The following AGO2 variants were observed in gnomAD, a reference collection of about 807,000 sequenced individuals.
The protein encoded by AGO2 is argonaute RISC catalytic component 2, also known as protein argonaute-2.
A neutral mutation model predicts 102.3 loss-of-function variants in AGO2; 5 were observed. The observed-to-expected ratio is 0.05, with a 90% CI of 0.03 to 0.10. The LOEUF (loss-of-function observed/expected upper bound fraction) is 0.10. Among genes scored for constraint, AGO2 ranks in the 10% least tolerant of loss-of-function variants. AGO2 has a pLI of 1.00. For synonymous variants in AGO2, 449 were observed against 473.1 expected (o/e 0.95, Z 0.66); for missense variants, 541 against 1,183.7 (o/e 0.46, Z 7.97).
chr8:140,585,443 C>A, intron 1 of AGO2, 132 bp from the exon 2 acceptor site: 1 of 976,536 alleles, frequency 1.0e-6, no homozygotes, highest in Non-Finnish European at 1.5e-6. Context: ...TATTGCATTC[C>A]ACAGAGGAGG....
intron 1 of AGO2, among the ~76,000 whole-genome samples, chr8:140,603,167 G>A (rs909296572): frequency 3.9e-5 from 6 of 152,184 alleles, no homozygotes; most frequent in Non-Finnish European, 7.3e-5. Flanking sequence ...GCGGCGTGGC[G>A]GAGATTAAAG....
chr8:140,616,166 G>A (rs1005903546), intron 1 of AGO2, among the ~76,000 whole-genome samples: 2 of 152,156 alleles, frequency 1.3e-5, no homozygotes, highest in East Asian at 3.9e-4. Flanking sequence ...ACTCCTCAGG[G>A]AACCCTAACC....
intron 3 of AGO2, 181 bp downstream of exon 3, chr8:140,572,631 A>G (rs1034306136): frequency 4.0e-5 from 33 of 832,738 alleles, no homozygotes; most frequent in Non-Finnish European, 5.5e-5. Context: ...CCATCACTGA[A>G]AGCCACAACA....
rs1026399080 is a variant in AGO2, at chr8:140,529,429, A to T, written c.*2615T>A. Reference sequence around the variant, plus strand: ...ACTACAGCCATTTAAACTCTGAATCATCAGACATGTACAAAGGTGTGCAGC... The same window carrying T: ...ACTACAGCCATTTAAACTCTGAATCTTCAGACATGTACAAAGGTGTGCAGC... On this transcript the variant is annotated 3_prime_UTR_variant, in exon 19 of 19. Coordinates refer to ENST00000220592, the MANE Select transcript of AGO2 (RefSeq NM_012154.5). 1 of 152,246 alleles carries T rather than the reference A, an allele frequency of 6.6e-6. No individual in the cohort carries two copies. Among genetic ancestry groups the T allele is most frequent in the Non-Finnish European group, 1.5e-5 (1 of 68,042 alleles). 9.4% of individuals were successfully genotyped at this position (152,246 alleles called of 1,614,324 possible).
chr8:140,606,936 A>AAAT (rs982785436), intron 1 of AGO2, among the ~76,000 whole-genome samples: 3 of 150,454 alleles, frequency 2.0e-5, no homozygotes, highest in Non-Finnish European at 3.0e-5. Flanking sequence ...GACTGCCTCA[A>AAAT]AATAATAATA....
intron 3 of AGO2, among the ~76,000 whole-genome samples, chr8:140,564,671 A>G (rs1254803992): frequency 6.6e-6 from 1 of 152,204 alleles, no homozygotes; most frequent in African/African-American, 2.4e-5. Flanking sequence ...GGCCAGGCAC[A>G]GTGGCTCATG....
chr8:140,552,426 C>A (rs1384097623), intron 10 of AGO2, among the ~76,000 whole-genome samples: 1 of 152,192 alleles, frequency 6.6e-6, no homozygotes, highest in Non-Finnish European at 1.5e-5. Context: ...GAGGGACAGG[C>A]ACTCCTAGGC....
chr8:140,627,251 G>A (rs967952997), intron 1 of AGO2, among the ~76,000 whole-genome samples: 3 of 152,198 alleles, frequency 2.0e-5, no homozygotes, highest in African/African-American at 7.2e-5. Flanking sequence ...TCCTCCAACC[G>A]TCGGAACAAG....
chr8:140,604,224 T>C lies in AGO2; in HGVS notation c.23-18913A>G, dbSNP rs189024932. 1.5e-3 allele frequency among the ~76,000 whole-genome samples: 235 copies of C among 152,240 alleles called. 4 individuals carry two copies. The highest frequency in any genetic ancestry group is 8.4e-3 in the Admixed American group (128 of 15,300). On this transcript the variant is annotated intron_variant, in intron 1 of 18. Transcript: ENST00000220592. ...TCATCAGAATGAGTGCAGCGTGCTG[T>C]GTACTGTCGGAAAGTTAGAAGCACC...
At position 140,528,554 on chromosome 8, in the gene AGO2, G is replaced by A. The variant is rs900027446; in HGVS notation, c.*3490C>T. On this transcript the variant is annotated 3_prime_UTR_variant, in exon 19 of 19. Transcript: ENST00000220592. The surrounding 1 kb of genome is among the most constrained non-coding windows in gnomAD (Gnocchi z 4.5). ...TTCCCTCTTGGGCAAGCTGTACAAT[G>A]GTCACGCATCGTTTGTGGTTCTAGA... 1 of 152,250 alleles carries A rather than the reference G, an allele frequency of 6.6e-6. No homozygotes were observed. Among genetic ancestry groups the A allele is most frequent in the Middle Eastern group, 3.4e-3 (1 of 294 alleles). The allele number at this position is 152,250 out of a possible 1,614,324, so 9.4% of individuals were successfully genotyped here. A position where few individuals can be genotyped will look rare whatever the true frequency, so the allele number is the denominator to read the frequency against.
rs933356644 is a variant in AGO2, at chr8:140,528,470, A to G, written c.*3574T>C. ...TCCGTCACGGGGGTAAACATTAGTGATAGCAGTTTAGGTCAGCCTCAAACA... is the reference window on the plus strand; with the variant it reads ...TCCGTCACGGGGGTAAACATTAGTGGTAGCAGTTTAGGTCAGCCTCAAACA... On this transcript the variant is annotated 3_prime_UTR_variant, in exon 19 of 19. Coordinates refer to ENST00000220592, the MANE Select transcript of AGO2 (RefSeq NM_012154.5). The surrounding 1 kb of genome is among the most constrained non-coding windows in gnomAD (Gnocchi z 4.5). 2 of 152,230 alleles carry G rather than the reference A, an allele frequency of 1.3e-5. No homozygotes were observed. Among genetic ancestry groups the G allele is most frequent in the Non-Finnish European group, 2.9e-5 (2 of 68,050 alleles). The allele number at this position is 152,230 out of a possible 1,614,324, so 9.4% of individuals were successfully genotyped here. A position where few individuals can be genotyped will look rare whatever the true frequency, so the allele number is the denominator to read the frequency against.
At chr8:140,578,779 G>A (rs372880859) in intron 2 of AGO2, among the ~76,000 whole-genome samples, 1 of 152,248 alleles carries the variant, frequency 6.6e-6, no homozygotes, top group Admixed American at 6.5e-5. Flanking sequence ...CTCTTCAGTC[G>A]CCACCCAGGG....
chr8:140,560,713 G>A (rs896289727), intron 4 of AGO2, among the ~76,000 whole-genome samples: 1 of 152,232 alleles, frequency 6.6e-6, no homozygotes, highest in African/African-American at 2.4e-5. Flanking sequence ...GCAGGCTGGG[G>A]GACCCGTGGC....
chr8:140,581,386 T>C (rs545571482), intron 2 of AGO2, among the ~76,000 whole-genome samples: 3 of 152,284 alleles, frequency 2.0e-5, no homozygotes, highest in Non-Finnish European at 2.9e-5. Context: ...TGGTGGCGCA[T>C]GCCTGCAATC....
chr8:140,573,042 T>C, intron 2 of AGO2, 110 bp from the exon 3 acceptor site: 1 of 1,343,372 alleles, frequency 7.4e-7, no homozygotes, highest in Non-Finnish European at 1.0e-6. Context: ...GGAGTCTTGC[T>C]CTTGTGGCCC....
At position 140,567,505 on chromosome 8, in the gene AGO2, G is replaced by A. The variant is rs1034522823; in HGVS notation, c.337-4871C>T. ...GTTCTAACCTCGGGCAGGTGGCTCC[G>A]TTGGCTTCCTGCACACAAGGGGACA... is the stretch of plus-strand genomic sequence containing the variant. On this transcript the variant is annotated intron_variant, in intron 3 of 18. Transcript: ENST00000220592. This position sits in a 1 kb window ranked among gnomAD's most constrained non-coding sequence, Gnocchi z 5.0. Among the ~76,000 whole-genome samples, 12 of 152,232 alleles carry A rather than the reference G, an allele frequency of 7.9e-5. No individual in the cohort carries two copies. Among genetic ancestry groups the A allele is most frequent in the Non-Finnish European group, 1.5e-4 (10 of 68,032 alleles).
intron 3 of AGO2, among the ~76,000 whole-genome samples, chr8:140,569,330 G>A (rs974948205): frequency 3.9e-5 from 6 of 152,218 alleles, no homozygotes; most frequent in African/African-American, 1.4e-4. Context: ...AGACACCGGT[G>A]CTGTCCACCA....
chr8:140,548,851 G>A lies in AGO2; in HGVS notation c.1588+263C>T, dbSNP rs911482930. 2.6e-5 allele frequency among the ~76,000 whole-genome samples: 4 copies of A among 152,332 alleles called. No homozygotes were observed. In the East Asian group the frequency reaches 7.7e-4, roughly 29 times the overall value. The stretch of plus-strand genomic sequence containing the variant: ...ACGCATGCTGTATGATGGGCGGGGT[G>A]CCCACCCATGTGCCAAGGCCTGTGC... On this transcript the variant is annotated intron_variant, in intron 12 of 18. Coordinates refer to ENST00000220592, the MANE Select transcript of AGO2 (RefSeq NM_012154.5).
In AGO2 at chr8:140,530,014, GA is replaced by G. The variant is rs1453673438; in HGVS notation, c.*2029del. ...TGTCTGTATCCTTCTGAAAACAGGA[GA>G]AAGTGCCACTTGCCACTAAAACAAA... On this transcript the variant is annotated 3_prime_UTR_variant, in exon 19 of 19. Transcript: ENST00000220592. 2 of 152,062 alleles carry G rather than the reference GA, an allele frequency of 1.3e-5. No individual in the cohort carries two copies. The highest frequency in any genetic ancestry group is 2.9e-5 in the Non-Finnish European group (2 of 68,042). 9.4% of individuals were successfully genotyped at this position (152,062 alleles called of 1,614,324 possible).
Sources: allele counts gnomAD v4.1 joint callset (sites outside exome capture counted in the v4.1 genomes callset), GRCh38; gene constraint gnomAD v4.1.1; non-coding constraint Gnocchi (gnomAD v3.1); transcripts MANE v1.5; gene names NCBI Gene and HGNC (gene_info 2026-07-23, HGNC 2026-07-21).